The following DST variants were observed in gnomAD, a reference collection of about 807,000 sequenced individuals.
DST encodes bullous pemphigoid antigen.
In DST, 253 loss-of-function variants were observed where a neutral mutation model predicts 875.2. That is an observed-to-expected ratio of 0.29 (90% confidence interval 0.26 to 0.32). The LOEUF is 0.32. DST is among the 10% of genes least tolerant of loss of function. DST has a pLI of 1.00. For missense variants in DST, 8,287 were observed against 9,111.6 expected (o/e 0.91, Z 3.68); for synonymous variants, 3,124 against 3,197.1 (o/e 0.98, Z 0.77).
intron 86 of DST, among the ~76,000 whole-genome samples, chr6:56,487,837 T>C (rs923500691): frequency 1.3e-5 from 2 of 152,202 alleles, no homozygotes; most frequent in South Asian, 4.1e-4. Context: ...GTCAACTTAA[T>C]GGGAAGCTTA....
intron 3 of DST, chr6:56,871,525 T>G: frequency 6.5e-5 from 86 of 1,321,352 alleles, no homozygotes; most frequent in African/African-American, 1.0e-4. Flanking sequence ...GTAGATTCTC[T>G]GGTCATTGAG....
chr6:56,763,533 A>G (rs905302302), intron 4 of DST, among the ~76,000 whole-genome samples: 1 of 151,996 alleles, frequency 6.6e-6, no homozygotes, highest in African/African-American at 2.4e-5. Context: ...TTAGCCAGGC[A>G]TGGTGGCACG....
intron 53 of DST, 74 bp from the exon 54 acceptor site, chr6:56,570,086 C>T: frequency 8.9e-7 from 1 of 1,128,856 alleles, no homozygotes; most frequent in Non-Finnish European, 1.2e-6. Context: ...TCATGTCACA[C>T]AATGTTAAGA....
At chr6:56,459,309 T>C in intron 103 of DST, 42 bp from the exon 104 acceptor site, 8 of 1,567,496 alleles carry the variant, frequency 5.1e-6, no homozygotes, top group Non-Finnish European at 6.9e-6. Flanking sequence ...TATTATTGGG[T>C]CCATCTGCAA....
intron 2 of DST, among the ~76,000 whole-genome samples, chr6:56,953,381 AATGAAATGCAT>A (rs1236703414): frequency 1.3e-5 from 2 of 152,222 alleles, no homozygotes; most frequent in African/African-American, 4.8e-5. Flanking sequence ...GAAAATCGAA[AATGAAATGCAT>A]ATGGATCAAA....
At position 56,634,889 on chromosome 6, in the gene DST, G is replaced by A. The variant is rs1385530753; in HGVS notation, c.3251C>T (p.Thr1084Ile). The A allele has an allele frequency of 6.2e-7, 1 of 1,613,740 alleles. No homozygotes were observed. Among genetic ancestry groups the A allele is most frequent in the African/African-American group, 1.3e-5 (1 of 75,022 alleles). The change falls in exon 25 of 104, where the codon ACA becomes ATA. Residue 1084 changes from threonine to isoleucine, a missense_variant. Around this residue, in one of 10 missense-constraint regions of DST, gnomAD observed 1,160 missense variants for 1,424.3 expected, o/e 0.81. Transcript: ENST00000680361. ...ATTCCTTGGCTTCAGTTGAATTATT[G>A]TTTTTGCTTTTCCCATTAGGTTTGC... ...TIANLMGKAK[T>I]IIQLKPRNSD...
chr6:56,718,878 CA>C (rs762845431), intron 5 of DST, among the ~76,000 whole-genome samples: 1 of 152,120 alleles, frequency 6.6e-6, no homozygotes, highest in South Asian at 2.1e-4. Context: ...GAAACTTTAT[CA>C]GGGGTGGTCT....
At chr6:56,505,073 A>T (rs914795703) in intron 77 of DST, among the ~76,000 whole-genome samples, 1 of 152,152 alleles carries the variant, frequency 6.6e-6, no homozygotes, top group African/African-American at 2.4e-5. Context: ...TCATTAGCCA[A>T]CCCTGACTAA....
At chr6:56,546,390 A>ATATATATATATATATAT (rs57879923) in intron 61 of DST, among the ~76,000 whole-genome samples, 1 of 128,054 alleles carries the variant, frequency 7.8e-6, no homozygotes, top group Non-Finnish European at 1.7e-5. Context: ...ATATATATAT[A>ATATATATATATATATAT]AATGTCAAAA....
chr6:56,712,105 A>AAAAAAT (rs1563813928), intron 5 of DST, among the ~76,000 whole-genome samples: 1 of 150,576 alleles, frequency 6.6e-6, no homozygotes. Flanking sequence ...AAAAAAAAAA[A>AAAAAAT]ATAGGAGGAG....
chr6:56,583,372 C>T (rs1259084940), intron 49 of DST, among the ~76,000 whole-genome samples: 1 of 152,080 alleles, frequency 6.6e-6, no homozygotes, highest in African/African-American at 2.4e-5. Context: ...TTTCATGTGT[C>T]TTTTGGCTGC....
Position 56,552,682 on chromosome 6 carries a change from A to C in DST, c.16110T>G (p.Val5370=). Residue 5370 remains valine (V), a synonymous_variant, in exon 61 of 104, where the codon GTT becomes GTG. Transcript: ENST00000680361. ...AQEHSTLSQQ[V]DEKCSFLETK... ...TTTCTAAGAAAGAACACTTTTCATC[A>C]ACCTGCTGACTTAGTGTACTATGCT... The C allele has an allele frequency of 6.2e-7, 1 of 1,613,750 alleles. No homozygotes were observed. Among genetic ancestry groups the C allele is most frequent in the Non-Finnish European group, 8.5e-7 (1 of 1,179,898 alleles).
intron 36 of DST, chr6:56,616,050 G>A (rs189998335): frequency 7.4e-6 from 12 of 1,614,188 alleles, no homozygotes; most frequent in Middle Eastern, 1.6e-4. Flanking sequence ...GCAGTAATCC[G>A]ATCAACCAAA....
chr6:56,806,299 G>C (rs2099752896), intron 4 of DST, among the ~76,000 whole-genome samples: 2 of 152,104 alleles, frequency 1.3e-5, no homozygotes, highest in Non-Finnish European at 2.9e-5. Flanking sequence ...TGGAAAATGG[G>C]GTGATAGTGA....
At chr6:56,526,065 T>C (rs1473856776) in intron 69 of DST, among the ~76,000 whole-genome samples, 1 of 152,220 alleles carries the variant, frequency 6.6e-6, no homozygotes, top group Non-Finnish European at 1.5e-5. Flanking sequence ...AATATGCATA[T>C]GTGTAGACAA....
chr6:56,694,514 A>AT (rs1373153787), intron 9 of DST, among the ~76,000 whole-genome samples: 1 of 151,628 alleles, frequency 6.6e-6, no homozygotes, highest in Non-Finnish European at 1.5e-5. Context: ...AAGGTCCCAG[A>AT]TTTTTTTTTG....
chr6:56,557,743 G>C (rs2097451494), intron 58 of DST, among the ~76,000 whole-genome samples: 1 of 152,136 alleles, frequency 6.6e-6, no homozygotes, highest in Non-Finnish European at 1.5e-5. Context: ...GACTTTAGAA[G>C]ATATCGTAGA....
intron 90 of DST, among the ~76,000 whole-genome samples, chr6:56,481,142 A>C (rs1288609459): frequency 6.6e-6 from 1 of 152,184 alleles, no homozygotes; most frequent in East Asian, 1.9e-4. Flanking sequence ...CCCATCTTTG[A>C]TAGAGGGTGT....
chr6:56,591,875 G>C (rs1167882716), intron 49 of DST, among the ~76,000 whole-genome samples: 1 of 151,674 alleles, frequency 6.6e-6, no homozygotes, highest in Non-Finnish European at 1.5e-5. Flanking sequence ...CCAGCTACTT[G>C]GGAGGCTGAG....
Sources: allele counts gnomAD v4.1 joint callset (sites outside exome capture counted in the v4.1 genomes callset), GRCh38; gene constraint gnomAD v4.1.1; regional missense constraint gnomAD v4.1.1; transcripts MANE v1.5; gene names NCBI Gene and HGNC (gene_info 2026-07-23, HGNC 2026-07-21).